ITSN1: variants seen among roughly 807,000 people sequenced by gnomAD.
ITSN1 encodes the protein intersectin 1.
ITSN1 carries 58 observed loss-of-function variants against 239.8 expected under a neutral mutation model. The ratio of observed to expected loss-of-function variants is 0.24; its 90% CI spans 0.20 to 0.30. The LOEUF is 0.30. Among genes scored for constraint, ITSN1 ranks in the 10% least tolerant of loss-of-function variants. The pLI is 1.00. For missense variants in ITSN1, 1,558 were observed against 2,103.3 expected, an observed-to-expected ratio of 0.74 and a Z score of 5.07; for synonymous variants, 780 against 770.8, an observed-to-expected ratio of 1.01 and a Z score of -0.20.
intron 20 of ITSN1, among the ~76,000 whole-genome samples, chr21:33,810,693 C>T (rs1014630878): frequency 6.6e-6 from 1 of 152,118 alleles, no homozygotes; most frequent in Non-Finnish European, 1.5e-5. Context: ...AAATTACATG[C>T]CTCAGGACTC....
intron 24 of ITSN1, among the ~76,000 whole-genome samples, chr21:33,820,150 T>C (rs2073575225): frequency 6.6e-6 from 1 of 151,370 alleles, no homozygotes; most frequent in African/African-American, 2.4e-5. Context: ...AAAAAAAAAA[T>C]CATTTTGAGT....
rs139443435 is a variant in ITSN1, at chr21:33,768,931, A to G, written c.1042+1103A>G. Among the ~76,000 whole-genome samples the G allele has an allele frequency of 2.6e-5, 4 of 152,380 alleles. No homozygotes were observed. In the East Asian group the frequency reaches 7.7e-4, roughly 29 times the overall value. ...TCATACTTTCTAGAACCTTTAAAAT[A>G]TATTAGAGGATTTAAGACATCCATA... On this transcript the variant is annotated intron_variant, in intron 11 of 39. Coordinates refer to ENST00000381318, the MANE Select transcript of ITSN1 (RefSeq NM_003024.3).
At chr21:33,880,003 C>T (rs1318522321) in intron 34 of ITSN1, among the ~76,000 whole-genome samples, 1 of 152,198 alleles carries the variant, frequency 6.6e-6, no homozygotes, top group Non-Finnish European at 1.5e-5. Context: ...TTGATTTTTT[C>T]AGCTTACATC....
chr21:33,820,987 C>T (rs891744053), intron 24 of ITSN1, among the ~76,000 whole-genome samples: 3 of 152,098 alleles, frequency 2.0e-5, no homozygotes, highest in Admixed American at 6.5e-5. Context: ...GTAAATTGGC[C>T]GTGATAACTA....
At chr21:33,656,143 C>T (rs1287903635) in intron 1 of ITSN1, among the ~76,000 whole-genome samples, 1 of 152,062 alleles carries the variant, frequency 6.6e-6, no homozygotes, top group African/African-American at 2.4e-5. Flanking sequence ...TGTGTCTGAA[C>T]CCATCATATG....
intron 1 of ITSN1, among the ~76,000 whole-genome samples, chr21:33,699,713 T>C (rs554644188): frequency 1.3e-5 from 2 of 152,356 alleles, no homozygotes; most frequent in Admixed American, 1.3e-4. Flanking sequence ...AGCCAGGTCC[T>C]ATCTCAAAAA....
chr21:33,832,757 T>A (rs1461060473), intron 27 of ITSN1, among the ~76,000 whole-genome samples: 1 of 152,152 alleles, frequency 6.6e-6, no homozygotes. Context: ...CTATCAGACC[T>A]CAAGGAAAGG....
intron 1 of ITSN1, among the ~76,000 whole-genome samples, chr21:33,666,585 T>C (rs985297978): frequency 7.2e-5 from 11 of 152,364 alleles, no homozygotes; most frequent in South Asian, 2.1e-4. Flanking sequence ...ACTTTATATA[T>C]AGTTGAATGA....
intron 29 of ITSN1, among the ~76,000 whole-genome samples, chr21:33,848,375 T>C (rs2075049905): frequency 6.6e-6 from 1 of 152,202 alleles, no homozygotes; most frequent in Admixed American, 6.5e-5. Context: ...GAACCAGCCC[T>C]GTTGTCACCT....
intron 16 of ITSN1, among the ~76,000 whole-genome samples, chr21:33,792,342 C>T (rs1034088211): frequency 1.4e-4 from 21 of 152,282 alleles, no homozygotes; most frequent in Admixed American, 2.6e-4. Context: ...GTAGCTGGGA[C>T]TGCAGGCGCC....
intron 2 of ITSN1, among the ~76,000 whole-genome samples, chr21:33,719,222 C>T (rs1389117304): frequency 6.6e-6 from 1 of 152,154 alleles, no homozygotes; most frequent in Non-Finnish European, 1.5e-5. Context: ...TGGTGGATCA[C>T]CTGAGGTCTG....
chr21:33,788,613 C>T (rs553472886), intron 16 of ITSN1, among the ~76,000 whole-genome samples: 1 of 152,236 alleles, frequency 6.6e-6, no homozygotes, highest in Admixed American at 6.5e-5. Context: ...CACCTGTAAT[C>T]CCAGCTGCTC....
At chr21:33,750,066 G>A in intron 5 of ITSN1, 77 bp from the exon 6 acceptor site, 1 of 1,299,666 alleles carries the variant, frequency 7.7e-7, no homozygotes, top group Non-Finnish European at 1.1e-6. Context: ...TTTTCTTTAA[G>A]CAGTACTGGG....
intron 1 of ITSN1, among the ~76,000 whole-genome samples, chr21:33,676,502 A>G (rs2090602282): frequency 6.6e-6 from 1 of 152,216 alleles, no homozygotes; most frequent in Admixed American, 6.5e-5. Context: ...CGCTGGGATT[A>G]TAGGCATGAG....
intron 29 of ITSN1, among the ~76,000 whole-genome samples, chr21:33,842,377 T>G (rs1424021383): frequency 6.6e-6 from 1 of 152,224 alleles, no homozygotes; most frequent in Non-Finnish European, 1.5e-5. Context: ...CAAAAATGTT[T>G]CATTTATAAA....
chr21:33,839,065 G>C (rs1022130671), intron 29 of ITSN1, among the ~76,000 whole-genome samples: 1 of 152,188 alleles, frequency 6.6e-6, no homozygotes, highest in Non-Finnish European at 1.5e-5. Flanking sequence ...CCATTCAGTG[G>C]AAAAGTGGTT....
intron 1 of ITSN1, among the ~76,000 whole-genome samples, chr21:33,705,193 A>G (rs1012202931): frequency 5.3e-5 from 8 of 152,084 alleles, no homozygotes; most frequent in African/African-American, 1.9e-4. Context: ...ATATTGGATC[A>G]GTATAGCTTT....
chr21:33,851,622 CT>C (rs958070158), intron 29 of ITSN1, among the ~76,000 whole-genome samples: 10 of 151,738 alleles, frequency 6.6e-5, no homozygotes, highest in Non-Finnish European at 1.3e-4. Context: ...TGGTCTTGAA[CT>C]CCTGACCTCA....
chr21:33,779,862 C>T (rs2070006414), intron 14 of ITSN1, among the ~76,000 whole-genome samples: 1 of 151,768 alleles, frequency 6.6e-6, no homozygotes, highest in Non-Finnish European at 1.5e-5. Flanking sequence ...GAGACAAAGT[C>T]TCACTGTTGC....
Sources: allele counts gnomAD v4.1 joint callset (sites outside exome capture counted in the v4.1 genomes callset), GRCh38; gene constraint gnomAD v4.1.1; transcripts MANE v1.5; gene names NCBI Gene and HGNC (gene_info 2026-07-23, HGNC 2026-07-21).